PRIMA1: variants seen among roughly 807,000 people sequenced by gnomAD.
PRIMA1 encodes proline rich membrane anchor 1.
Under a neutral mutation model 17.5 loss-of-function variants are expected in PRIMA1, and 7 were observed. That is an observed-to-expected ratio of 0.40 (90% CI 0.23 to 0.75). The LOEUF (loss-of-function observed/expected upper bound fraction) is 0.75. PRIMA1 is among the 30% of genes least tolerant of loss of function. The probability of loss-of-function intolerance (pLI) is 0.37; values close to 1 mark genes in which losing one functional copy is unlikely to be tolerated. For synonymous variants in PRIMA1, 97 were observed against 77.9 expected (o/e 1.25, Z -1.29); for missense variants, 200 against 201.8 (o/e 0.99, Z 0.05).
At chr14:93,780,081 C>T (rs2141194581) in intron 2 of PRIMA1, among the ~76,000 whole-genome samples, 1 of 152,378 alleles carries the variant, frequency 6.6e-6, no homozygotes, top group Non-Finnish European at 1.5e-5. Flanking sequence ...CTCTCCCCAT[C>T]TCTCTGCCCT....
In PRIMA1 at chr14:93,720,159, G is replaced by C. The variant is rs1047288501; in HGVS notation, c.*1285C>G. ...ATGTAGGGGTGGTGGGGAGAGCCAG[G>C]GGGCCAGGAGTGTCCCACTCATTTT... On this transcript the variant is annotated 3_prime_UTR_variant, in exon 5 of 5. Transcript: ENST00000393140. The C allele has an allele frequency of 1.3e-5, 2 of 152,258 alleles. No homozygotes were observed. Among genetic ancestry groups the C allele is most frequent in the East Asian group, 3.9e-4 (2 of 5,186 alleles). 9.4% of individuals were successfully genotyped at this position (152,258 alleles called of 1,614,324 possible). A position where few individuals can be genotyped will look rare whatever the true frequency, so the allele number is the denominator to read the frequency against.
At chr14:93,779,418 T>C in intron 2 of PRIMA1, 107 bp from the exon 3 acceptor site, 1 of 948,018 alleles carries the variant, frequency 1.1e-6, no homozygotes, top group Non-Finnish European at 1.5e-6. Flanking sequence ...GGACTTGGGA[T>C]TCCTTTCCAA....
chr14:93,724,191 C>T (rs564367979), intron 4 of PRIMA1, among the ~76,000 whole-genome samples: 4 of 152,180 alleles, frequency 2.6e-5, no homozygotes, highest in Non-Finnish European at 5.9e-5. Flanking sequence ...AGCAGGTATT[C>T]CCATATGAGC....
chr14:93,782,542 G>A (rs1302470094), intron 2 of PRIMA1, among the ~76,000 whole-genome samples: 3 of 151,090 alleles, frequency 2.0e-5, no homozygotes, highest in Non-Finnish European at 4.4e-5. Flanking sequence ...GATTGCTTGA[G>A]CCCAGGAGGT....
intron 3 of PRIMA1, among the ~76,000 whole-genome samples, chr14:93,739,404 C>A (rs1856859358): frequency 6.6e-6 from 1 of 152,168 alleles, no homozygotes; most frequent in Non-Finnish European, 1.5e-5. Flanking sequence ...GTTTCCAGTT[C>A]TGACTATCTT....
At chr14:93,779,044 T>C in intron 3 of PRIMA1, 132 bp downstream of exon 3, 1 of 651,896 alleles carries the variant, frequency 1.5e-6, no homozygotes, top group Non-Finnish European at 2.6e-6. Context: ...AAGTTGGGCC[T>C]TGGCTTCCCT....
chr14:93,788,759 C>A (rs1009329923), upstream of PRIMA1, among the ~76,000 whole-genome samples: 9 of 151,960 alleles, frequency 5.9e-5, no homozygotes, highest in Non-Finnish European at 1.0e-4. Context: ...GGGCGGCACC[C>A]CGCTCCCAGG....
intron 4 of PRIMA1, among the ~76,000 whole-genome samples, chr14:93,730,141 G>A (rs2076104575): frequency 6.6e-6 from 1 of 152,220 alleles, no homozygotes; most frequent in African/African-American, 2.4e-5. Flanking sequence ...AACCACCACT[G>A]ACCAGTTTCT....
At chr14:93,788,678 G>A (rs930414797), upstream of PRIMA1, among the ~76,000 whole-genome samples, 38 of 152,098 alleles carry the variant, frequency 2.5e-4, no homozygotes, top group African/African-American at 8.4e-4. Context: ...AGAGGACCAG[G>A]AGCGGCGTCC....
chr14:93,784,116 A>G (rs1885457417), intron 2 of PRIMA1, among the ~76,000 whole-genome samples: 1 of 152,216 alleles, frequency 6.6e-6, no homozygotes, highest in South Asian at 2.1e-4. Flanking sequence ...ACCCTATTAC[A>G]TCTGAATTTC....
intron 1 of PRIMA1, 100 bp from the exon 2 acceptor site, chr14:93,787,849 C>G (rs1595232121): frequency 2.1e-6 from 3 of 1,396,570 alleles, no homozygotes; most frequent in Non-Finnish European, 2.8e-6. Flanking sequence ...GGGCACGCCC[C>G]GCACCCAGGG....
chr14:93,762,720 G>C (rs1201686810), intron 3 of PRIMA1, among the ~76,000 whole-genome samples: 2 of 152,080 alleles, frequency 1.3e-5, no homozygotes, highest in African/African-American at 4.8e-5. Context: ...GATCGTTCCT[G>C]TCCTCAGCCC....
At position 93,738,618 on chromosome 14, in the gene PRIMA1, G is replaced by A. The variant is rs565397420; in HGVS notation, c.230-1248C>T. 3.3e-5 allele frequency among the ~76,000 whole-genome samples: 5 copies of A among 152,288 alleles called. No individual in the cohort carries two copies. In the East Asian group the frequency reaches 9.6e-4, roughly 29 times the overall value. ...TGCAACAGTAAGTGGGGAACCAGGG[G>A]ATGACTTCCCAAAGGGTAATATGGA... On this transcript the variant is annotated intron_variant, in intron 3 of 4. Coordinates refer to ENST00000393140, the MANE Select transcript of PRIMA1 (RefSeq NM_178013.4).
chr14:93,739,040 G>A (rs2076168375), intron 3 of PRIMA1, among the ~76,000 whole-genome samples: 1 of 150,966 alleles, frequency 6.6e-6, no homozygotes, highest in South Asian at 2.1e-4. Context: ...ATCACAATTT[G>A]TTGTTGTTTT....
At chr14:93,733,043 C>G (rs1219825932) in intron 4 of PRIMA1, among the ~76,000 whole-genome samples, 2 of 152,194 alleles carry the variant, frequency 1.3e-5, no homozygotes, top group East Asian at 1.9e-4. Flanking sequence ...TTACAACAAG[C>G]CCGGGGCAAT....
chr14:93,743,637 C>T (rs2076197662), intron 3 of PRIMA1, among the ~76,000 whole-genome samples: 2 of 152,246 alleles, frequency 1.3e-5, no homozygotes, highest in Non-Finnish European at 2.9e-5. Context: ...TCAGCCTTTG[C>T]TGTGGGAAAC....
intron 3 of PRIMA1, among the ~76,000 whole-genome samples, chr14:93,770,831 T>C (rs756078526): frequency 6.6e-6 from 1 of 152,190 alleles, no homozygotes; most frequent in South Asian, 2.1e-4. Flanking sequence ...TGGCATATAG[T>C]AGATATTCAA....
intron 2 of PRIMA1, among the ~76,000 whole-genome samples, chr14:93,785,982 A>G (rs1459298250): frequency 2.6e-5 from 4 of 152,072 alleles, no homozygotes; most frequent in African/African-American, 9.7e-5. Context: ...CTTTCACAAA[A>G]TTATTTCTTC....
intron 3 of PRIMA1, among the ~76,000 whole-genome samples, chr14:93,747,599 A>G (rs2076227543): frequency 6.9e-6 from 1 of 145,090 alleles, no homozygotes; most frequent in South Asian, 2.3e-4. Flanking sequence ...AGTATTGTGT[A>G]TGAGTGTGTG....
Sources: allele counts gnomAD v4.1 joint callset (sites outside exome capture counted in the v4.1 genomes callset), GRCh38; gene constraint gnomAD v4.1.1; transcripts MANE v1.5; gene names NCBI Gene and HGNC (gene_info 2026-07-23, HGNC 2026-07-21).